The following EFCAB3 variants were observed in gnomAD, a reference collection of about 807,000 sequenced individuals.
EFCAB3 encodes the protein EF-hand calcium binding domain 3, also known as EF-hand calcium-binding domain-containing protein 3.
EFCAB3 carries 36 observed loss-of-function variants against 42.2 expected under a neutral mutation model. The ratio of observed to expected loss-of-function variants is 0.85; its 90% CI spans 0.65 to 1.13. The LOEUF is 1.13. EFCAB3 is among the 50% of genes most tolerant of loss of function. The pLI, the probability that EFCAB3 is intolerant of heterozygous loss-of-function variation, is 0.00. For synonymous variants in EFCAB3, 170 were observed against 172.8 expected (o/e 0.98, Z 0.13); for missense variants, 418 against 505.1 (o/e 0.83, Z 1.65).
intron 8 of EFCAB3, among the ~76,000 whole-genome samples, chr17:62,410,924 CA>C (rs2070489772): frequency 6.6e-6 from 1 of 152,058 alleles, no homozygotes; most frequent in East Asian, 1.9e-4. Flanking sequence ...TTGGTCTGCT[CA>C]AAGCTCTGAA....
intron 8 of EFCAB3, among the ~76,000 whole-genome samples, chr17:62,411,856 AGAAGGAAG>A (rs1179394697): frequency 0.011 from 639 of 56,174 alleles, 9 homozygotes; most frequent in African/African-American, 0.035. Flanking sequence ...AAGGAAGGAA[AGAAGGAAG>A]GAAGGAAGGA....
At chr17:62,372,812 C>T (rs754739051) in intron 1 of EFCAB3, among the ~76,000 whole-genome samples, 3 of 152,150 alleles carry the variant, frequency 2.0e-5, no homozygotes, top group African/African-American at 7.2e-5. Context: ...ACAAAACCCA[C>T]GGCAACATAG....
intron 9 of EFCAB3, among the ~76,000 whole-genome samples, chr17:62,414,473 G>A (rs1038064062): frequency 3.3e-5 from 5 of 152,052 alleles, no homozygotes; most frequent in African/African-American, 1.2e-4. Flanking sequence ...CCTCTACGCT[G>A]GGTCTCATAA....
At position 62,391,975 on chromosome 17, in the gene EFCAB3, T is replaced by G; in HGVS notation, c.295+10T>G. 6.3e-7 allele frequency: 1 copy of G among 1,586,444 alleles called. No homozygotes were observed. Among genetic ancestry groups the G allele is most frequent in the African/African-American group, 1.3e-5 (1 of 74,616 alleles). ...TGTGCTGATATTGATCGTGAGTCCT[T>G]TGGCTTCTCATTGTTTTTCTCATAA... is the stretch of plus-strand genomic sequence containing the variant. On this transcript the variant is annotated intron_variant, in intron 4 of 9. Transcript: ENST00000305286.
intron 6 of EFCAB3, among the ~76,000 whole-genome samples, chr17:62,402,919 T>C (rs948043284): frequency 1.3e-5 from 2 of 152,220 alleles, no homozygotes; most frequent in African/African-American, 4.8e-5. Context: ...CATCTGGTCC[T>C]GGACTTTTTT....
chr17:62,371,896 C>T (rs567974944), intron 1 of EFCAB3, among the ~76,000 whole-genome samples: 8 of 152,256 alleles, frequency 5.3e-5, no homozygotes, highest in Admixed American at 3.3e-4. Context: ...CTAAGTGCAT[C>T]GGAGGATAAC....
At chr17:62,381,540 A>G (rs1598006115) in intron 1 of EFCAB3, 2 of 154,650 alleles carry the variant, frequency 1.3e-5, no homozygotes, top group African/African-American at 4.8e-5. Flanking sequence ...GGTCTAGGGT[A>G]GCAGAACTGC....
intron 1 of EFCAB3, among the ~76,000 whole-genome samples, chr17:62,371,173 C>T (rs1341165164): frequency 6.6e-6 from 1 of 151,980 alleles, no homozygotes. Context: ...CTAACAAGCT[C>T]TCAGGTGATG....
chr17:62,385,249 G>A lies in EFCAB3; in HGVS notation c.75-2091G>A, dbSNP rs1176293903. On this transcript the variant is annotated intron_variant, in intron 2 of 9. Transcript: ENST00000305286. ...ACTTGAGCCCAGGTGTTCAAGACCA[G>A]CCTGAGCAACATAAGGAGATCTTGT... is the stretch of plus-strand genomic sequence containing the variant. 2.6e-5 allele frequency among the ~76,000 whole-genome samples: 4 copies of A among 152,130 alleles called. No individual in the cohort carries two copies. The East Asian group carries it at 7.7e-4, about 29-fold the overall frequency.
chr17:62,378,682 CAAAG>C (rs1216877972), upstream of EFCAB3, among the ~76,000 whole-genome samples: 1 of 139,674 alleles, frequency 7.2e-6, no homozygotes, highest in African/African-American at 2.7e-5. Context: ...CCTCAGCTAA[CAAAG>C]AAAGAACTTG....
Position 62,416,128 on chromosome 17 carries a change from T to G in EFCAB3, c.1116T>G (p.Tyr372Ter). The G allele has an allele frequency of 6.2e-7, 1 of 1,614,018 alleles. No homozygotes were observed. Among genetic ancestry groups the G allele is most frequent in the Non-Finnish European group, 8.5e-7 (1 of 1,179,854 alleles). ...IGMDSRNESF[Y>*]DTFSTYTWSW... is the part of the protein sequence containing the mutation. The stretch of plus-strand genomic sequence containing the variant: ...TGGACTCTAGAAATGAGTCCTTTTA[T>G]GACACCTTTTCTACTTATACATGGT... The change falls in exon 10 of 10, where the codon TAT (tyrosine) becomes TAG (stop). Residue 372 changes from tyrosine (Y) to a stop codon, truncating the protein, a stop_gained. Coordinates refer to ENST00000305286, the MANE Select transcript of EFCAB3 (RefSeq NM_173503.4). LOFTEE classifies it low-confidence loss of function (END_TRUNC).
At chr17:62,395,454 C>G (rs2070341184) in intron 6 of EFCAB3, among the ~76,000 whole-genome samples, 1 of 152,184 alleles carries the variant, frequency 6.6e-6, no homozygotes, top group Admixed American at 6.5e-5. Flanking sequence ...GAAATTTTAG[C>G]CTCCTCTATC....
chr17:62,385,025 G>T (rs2070236638), intron 2 of EFCAB3, among the ~76,000 whole-genome samples: 1 of 152,174 alleles, frequency 6.6e-6, no homozygotes, highest in Admixed American at 6.5e-5. Flanking sequence ...CAAATTAAAT[G>T]CATTTTCAAT....
At chr17:62,370,433 T>TC in intron 1 of EFCAB3, 1 of 1,052,396 alleles carries the variant, frequency 9.5e-7, no homozygotes, top group Non-Finnish European at 1.4e-6. Context: ...GGCAGGTGGA[T>TC]CACCTGAGGT....
At chr17:62,388,029 G>C (rs1329468934) in intron 3 of EFCAB3, among the ~76,000 whole-genome samples, 5 of 152,046 alleles carry the variant, frequency 3.3e-5, no homozygotes, top group African/African-American at 7.2e-5. Context: ...GGCCAATATG[G>C]TGAAACCTTG....
At chr17:62,390,919 A>G (rs2070297493) in intron 3 of EFCAB3, among the ~76,000 whole-genome samples, 1 of 152,250 alleles carries the variant, frequency 6.6e-6, no homozygotes, top group Admixed American at 6.5e-5. Flanking sequence ...TTCAGAAAAT[A>G]CATACCTAAT....
chr17:62,388,658 T>G (rs192784266), intron 3 of EFCAB3, among the ~76,000 whole-genome samples: 58 of 152,320 alleles, frequency 3.8e-4, no homozygotes, highest in Admixed American at 1.0e-3. Context: ...AGGCCCCAGA[T>G]AGCAAAACAT....
chr17:62,411,052 T>A (rs2070490756), intron 8 of EFCAB3, among the ~76,000 whole-genome samples: 1 of 152,156 alleles, frequency 6.6e-6, no homozygotes, highest in African/African-American at 2.4e-5. Context: ...AAAATTACCT[T>A]AAAAACCGGT....
In EFCAB3 at chr17:62,372,193, C is replaced by T. The variant is rs563434273; in HGVS notation, c.35-1621C>T. On this transcript the variant is annotated intron_variant, in intron 1 of 11. Coordinates refer to the EFCAB3 transcript ENST00000450662. Reference sequence around the variant, plus strand: ...AACCAATCCGTTGCAAACATATCTCCATGTTCTGTTCTCTCTAGTTTTTCA... The same window carrying T: ...AACCAATCCGTTGCAAACATATCTCTATGTTCTGTTCTCTCTAGTTTTTCA... Among the ~76,000 whole-genome samples, 22 of 151,728 alleles carry T rather than the reference C, an allele frequency of 1.4e-4. 1 individual carries two copies. The highest frequency in any genetic ancestry group is 1.0e-4 in the Non-Finnish European group (7 of 67,996).
Sources: allele counts gnomAD v4.1 joint callset (sites outside exome capture counted in the v4.1 genomes callset), GRCh38; gene constraint gnomAD v4.1.1; transcripts MANE v1.5; gene names NCBI Gene and HGNC (gene_info 2026-07-23, HGNC 2026-07-21).